Variants in NXPH1 observed in about 807,000 individuals in gnomAD.
The protein encoded by NXPH1 is neurexophilin-1.
In NXPH1, 5 loss-of-function variants were observed where a neutral mutation model predicts 23.7. That is an observed-to-expected ratio of 0.21 (90% CI 0.11 to 0.44). The LOEUF is 0.44. Ranked by LOEUF, NXPH1 falls within the 20% of genes least tolerant of loss-of-function variation. The pLI is 0.99. For synonymous variants in NXPH1, 144 were observed against 122.2 expected (o/e 1.18, Z -1.18); for missense variants, 324 against 321.6 (o/e 1.01, Z -0.06).
At chr7:8,556,475 C>G (rs913258370) in intron 2 of NXPH1, among the ~76,000 whole-genome samples, 2 of 151,660 alleles carry the variant, frequency 1.3e-5, no homozygotes, top group Non-Finnish European at 3.0e-5. Flanking sequence ...TTTGATTTCT[C>G]TTCATGTGGG....
At chr7:8,572,746 ATAT>A (rs1028944029) in intron 2 of NXPH1, among the ~76,000 whole-genome samples, 7 of 152,038 alleles carry the variant, frequency 4.6e-5, no homozygotes, top group Non-Finnish European at 1.0e-4. Flanking sequence ...ACTTGGGTAT[ATAT>A]TAGTTTTTTT....
chr7:8,692,995 G>A (rs1381553092), intron 2 of NXPH1, among the ~76,000 whole-genome samples: 1 of 152,102 alleles, frequency 6.6e-6, no homozygotes, highest in Non-Finnish European at 1.5e-5. Flanking sequence ...GCCCACAGCT[G>A]ATATCTTGAT....
intron 2 of NXPH1, among the ~76,000 whole-genome samples, chr7:8,538,032 T>C (rs1361844072): frequency 6.6e-6 from 1 of 151,916 alleles, no homozygotes; most frequent in Non-Finnish European, 1.5e-5. Context: ...ACAGCAATGA[T>C]GATTGCTTCT....
intron 2 of NXPH1, among the ~76,000 whole-genome samples, chr7:8,558,097 CAGAG>C (rs1397933960): frequency 6.6e-6 from 1 of 151,634 alleles, no homozygotes; most frequent in Admixed American, 6.6e-5. Flanking sequence ...TGAATAAAAT[CAGAG>C]AGAGATTTCT....
chr7:8,722,904 T>G (rs1295608322), intron 2 of NXPH1, among the ~76,000 whole-genome samples: 1 of 152,188 alleles, frequency 6.6e-6, no homozygotes, highest in African/African-American at 2.4e-5. Flanking sequence ...GTTTAGTGAT[T>G]GTAACTCTCA....
intron 2 of NXPH1, among the ~76,000 whole-genome samples, chr7:8,537,681 C>T (rs1321387461): frequency 6.6e-6 from 1 of 151,876 alleles, no homozygotes; most frequent in African/African-American, 2.4e-5. Flanking sequence ...TGGGAATTAT[C>T]ACATTTGTGT....
intron 2 of NXPH1, among the ~76,000 whole-genome samples, chr7:8,506,506 T>C (rs1817525264): frequency 6.6e-6 from 1 of 152,108 alleles, no homozygotes; most frequent in Non-Finnish European, 1.5e-5. Context: ...CTTTGGTTGC[T>C]TACTTGCTGG....
chr7:8,590,963 G>C (rs572602224), intron 2 of NXPH1, among the ~76,000 whole-genome samples: 12 of 152,008 alleles, frequency 7.9e-5, no homozygotes, highest in Non-Finnish European at 1.5e-4. Flanking sequence ...CTTCAATTAG[G>C]TGTTGCTTCT....
chr7:8,583,340 T>C (rs550096423), intron 2 of NXPH1, among the ~76,000 whole-genome samples: 2 of 152,328 alleles, frequency 1.3e-5, no homozygotes, highest in East Asian at 3.9e-4. Flanking sequence ...GGCACAGCCA[T>C]TTATTAGCTA....
chr7:8,731,519 G>T (rs1780153449), intron 2 of NXPH1, among the ~76,000 whole-genome samples: 1 of 152,116 alleles, frequency 6.6e-6, no homozygotes, highest in South Asian at 2.1e-4. Flanking sequence ...ATGGGTTTTT[G>T]GTGTGGATGT....
At chr7:8,649,148 TGAGTTTACAAAAA>T (rs1178797900) in intron 2 of NXPH1, among the ~76,000 whole-genome samples, 1 of 152,146 alleles carries the variant, frequency 6.6e-6, no homozygotes, top group Non-Finnish European at 1.5e-5. Flanking sequence ...AGCCCTAAGC[TGAGTTTACAAAAA>T]GATGAAAGTC....
intron 2 of NXPH1, among the ~76,000 whole-genome samples, chr7:8,669,457 T>C (rs1121172): frequency 0.62 from 93,757 of 151,948 alleles, 30,375 homozygotes; most frequent in Middle Eastern, 0.76. Context: ...TGGGGGACAG[T>C]ATGAAGCCTG....
At chr7:8,469,063 G>C (rs990219044) in intron 2 of NXPH1, among the ~76,000 whole-genome samples, 1 of 151,856 alleles carries the variant, frequency 6.6e-6, no homozygotes, top group African/African-American at 2.4e-5. Flanking sequence ...TACATAAAAA[G>C]TAGATTTAAG....
chr7:8,437,134 G>C (rs562187487), intron 2 of NXPH1, among the ~76,000 whole-genome samples: 22 of 152,344 alleles, frequency 1.4e-4, no homozygotes, highest in Admixed American at 3.9e-4. Flanking sequence ...GGGTAAACAG[G>C]TGAAAGCCAG....
intron 2 of NXPH1, among the ~76,000 whole-genome samples, chr7:8,681,464 A>G (rs541077439): frequency 2.4e-4 from 36 of 152,220 alleles, no homozygotes; most frequent in Non-Finnish European, 4.9e-4. Context: ...ATATAGTTCA[A>G]TGAAGCTACT....
At chr7:8,717,691 C>T (rs544347131) in intron 2 of NXPH1, among the ~76,000 whole-genome samples, 228 of 152,264 alleles carry the variant, frequency 1.5e-3, no homozygotes, top group African/African-American at 4.9e-3. Context: ...CTAAGAGATG[C>T]TAGCTCCCTC....
In NXPH1 at chr7:8,442,425, C is replaced by G. The variant is rs1347748144; in HGVS notation, c.54+6658C>G. ...CCCGCCGCCCTAATGGATTCTGAAG[C>G]GAAGGATCCTAGCTGCCGCGGCTAA... is the stretch of plus-strand genomic sequence containing the variant. On this transcript the variant is annotated intron_variant, in intron 2 of 2. Coordinates refer to ENST00000405863, the MANE Select transcript of NXPH1 (RefSeq NM_152745.3). This position sits in a 1 kb window ranked among gnomAD's most constrained non-coding sequence, Gnocchi z 4.6. Among the ~76,000 whole-genome samples, 3 of 152,188 alleles carry G rather than the reference C, an allele frequency of 2.0e-5. No individual in the cohort carries two copies. Among genetic ancestry groups the G allele is most frequent in the Non-Finnish European group, 2.9e-5 (2 of 68,036 alleles).
chr7:8,712,290 T>C (rs1312699108), intron 2 of NXPH1, among the ~76,000 whole-genome samples: 5 of 152,310 alleles, frequency 3.3e-5, no homozygotes, highest in Non-Finnish European at 7.4e-5. Context: ...TACAAGGCCA[T>C]TCTCTTGAAT....
At chr7:8,551,093 C>A (rs10259145) in intron 2 of NXPH1, among the ~76,000 whole-genome samples, 11,757 of 151,380 alleles carry the variant, frequency 0.078, 500 homozygotes, top group Middle Eastern at 0.11. Context: ...TTTAAAAATT[C>A]TATCAGCTGT....
Sources: allele counts gnomAD v4.1 joint callset (sites outside exome capture counted in the v4.1 genomes callset), GRCh38; gene constraint gnomAD v4.1.1; non-coding constraint Gnocchi (gnomAD v3.1); transcripts MANE v1.5; gene names NCBI Gene and HGNC (gene_info 2026-07-23, HGNC 2026-07-21).